Variants in CXXC5 observed in about 807,000 individuals in gnomAD.
The protein encoded by CXXC5 is CXXC finger protein 5, also known as CXXC-type zinc finger protein 5.
In CXXC5, 2 loss-of-function variants were observed where a neutral mutation model predicts 17.6. The ratio of observed to expected loss-of-function variants is 0.11; its 90% confidence interval spans 0.05 to 0.36. CXXC5 has a LOEUF of 0.36. Ranked by LOEUF, CXXC5 falls within the 10% of genes least tolerant of loss-of-function variation. CXXC5 has a pLI of 1.00. For missense variants in CXXC5, 343 were observed against 458.3 expected (o/e 0.75, Z 2.30); for synonymous variants, 171 against 193.0 (o/e 0.89, Z 0.94).
At chr5:139,666,676 T>A (rs1183596066) in intron 1 of CXXC5, among the ~76,000 whole-genome samples, 1 of 152,216 alleles carries the variant, frequency 6.6e-6, no homozygotes, top group African/African-American at 2.4e-5. Context: ...ATTTTGCTCA[T>A]GCGGGAAATG....
intron 2 of CXXC5, among the ~76,000 whole-genome samples, chr5:139,682,239 T>C (rs886082063): frequency 6.6e-6 from 1 of 152,158 alleles, no homozygotes; most frequent in African/African-American, 2.4e-5. Flanking sequence ...CGCCCCTCTA[T>C]GAGTGGGCTT....
intron 1 of CXXC5, among the ~76,000 whole-genome samples, chr5:139,651,882 T>C (rs1755201506): frequency 6.6e-6 from 1 of 152,140 alleles, no homozygotes; most frequent in Non-Finnish European, 1.5e-5. Context: ...GGTTCACACA[T>C]TGTTATTACG....
intron 1 of CXXC5, among the ~76,000 whole-genome samples, chr5:139,678,064 C>T (rs549741019): frequency 2.8e-4 from 42 of 152,384 alleles, no homozygotes; most frequent in Admixed American, 1.9e-3. Context: ...CTCCCCATCT[C>T]TGCAGCCCAC....
chr5:139,651,454 C>G (rs1172466606), intron 1 of CXXC5, among the ~76,000 whole-genome samples: 1 of 152,144 alleles, frequency 6.6e-6, no homozygotes, highest in East Asian at 1.9e-4. Flanking sequence ...CCGGCCAGCA[C>G]AGGCCCATGT....
At chr5:139,679,582 C>T (rs1757063191) in intron 1 of CXXC5, 1 of 152,222 alleles carries the variant, frequency 6.6e-6, no homozygotes, top group East Asian at 1.9e-4. Context: ...CAGGGGCAGC[C>T]TTCCAGACTT....
Position 139,683,033 on chromosome 5 carries a change from T to G in CXXC5, c.*126T>G. The G allele has an allele frequency of 1.4e-6, 1 of 697,458 alleles. No homozygotes were observed. Among genetic ancestry groups the G allele is most frequent in the Non-Finnish European group, 2.1e-6 (1 of 476,872 alleles). The allele number at this position is 697,458 out of a possible 1,614,324, so 43.2% of individuals were successfully genotyped here. On this transcript the variant is annotated 3_prime_UTR_variant, in exon 3 of 3. Coordinates refer to ENST00000302517, the MANE Select transcript of CXXC5 (RefSeq NM_016463.9). ...GAACCAAAAATATTCTCTCACAGAT[T>G]TCATTCCTGTTTTTATATATATATT...
intron 1 of CXXC5, among the ~76,000 whole-genome samples, chr5:139,666,767 G>A (rs534151936): frequency 2.0e-5 from 3 of 152,366 alleles, no homozygotes; most frequent in South Asian, 4.1e-4. Flanking sequence ...TGGCTCTGGC[G>A]CAGGCTGTTT....
rs550448153 is a variant in CXXC5, at chr5:139,673,803, C to T, written c.-160-6561C>T. 4.0e-5 allele frequency among the ~76,000 whole-genome samples: 6 copies of T among 148,904 alleles called. No homozygotes were observed. In the South Asian group the frequency reaches 8.6e-4, roughly 21 times the overall value. ...GTTGTGGTGAGCTGAGATCGGGCCA[C>T]GCACTCCAGCCTGGGTGACAGAGCA... On this transcript the variant is annotated intron_variant, in intron 1 of 2. Transcript: ENST00000302517.
chr5:139,663,406 G>A lies in CXXC5; in HGVS notation c.-161+14561G>A, dbSNP rs1160554455. Among the ~76,000 whole-genome samples, 4 of 152,104 alleles carry A rather than the reference G, an allele frequency of 2.6e-5. No individual in the cohort carries two copies. Among genetic ancestry groups the A allele is most frequent in the Admixed American group, 2.0e-4 (3 of 15,270 alleles). ...GGCTGTGGGAGATCTAAGAAGAGCC[G>A]ACATGAGCTGGCAGGGCTGAGGGCG... On this transcript the variant is annotated intron_variant, in intron 1 of 2. Transcript: ENST00000302517. The surrounding 1 kb of genome is among the most constrained non-coding windows in gnomAD (Gnocchi z 4.2).
intron 1 of CXXC5, among the ~76,000 whole-genome samples, chr5:139,667,052 C>T (rs1331792078): frequency 6.6e-6 from 1 of 152,210 alleles, no homozygotes; most frequent in East Asian, 1.9e-4. Context: ...TATGCCTCAC[C>T]TCCCATAGCT....
chr5:139,678,007 C>T (rs892658606), intron 1 of CXXC5, among the ~76,000 whole-genome samples: 6 of 152,254 alleles, frequency 3.9e-5, no homozygotes, highest in African/African-American at 1.4e-4. Context: ...GCCAGCAGGC[C>T]GCAGAGGCGG....
chr5:139,652,030 A>G (rs1278079169), intron 1 of CXXC5, among the ~76,000 whole-genome samples: 3 of 152,066 alleles, frequency 2.0e-5, no homozygotes, highest in African/African-American at 7.2e-5. Context: ...CAGGCCCAGG[A>G]TAGAAGCTCC....
rs1447705155 is a variant in CXXC5 at position 139,668,493 on chromosome 5, G to T, written c.-160-11871G>T. 1.3e-5 allele frequency among the ~76,000 whole-genome samples: 2 copies of T among 151,314 alleles called. No individual in the cohort carries two copies. The highest frequency in any genetic ancestry group is 4.8e-5 in the African/African-American group (2 of 41,390). On this transcript the variant is annotated intron_variant, in intron 1 of 2. Coordinates refer to ENST00000302517, the MANE Select transcript of CXXC5 (RefSeq NM_016463.9). This position sits in a 1 kb window ranked among gnomAD's most constrained non-coding sequence, Gnocchi z 4.1. ...GCCGCCCACTGCCCGCTCCAGGCCCGCTGCCCGCTCCAGGCCCGAGGTGAT... is the reference window on the plus strand; with the variant it reads ...GCCGCCCACTGCCCGCTCCAGGCCCTCTGCCCGCTCCAGGCCCGAGGTGAT...
chr5:139,655,304 A>G (rs945960212), intron 1 of CXXC5, among the ~76,000 whole-genome samples: 1 of 151,934 alleles, frequency 6.6e-6, no homozygotes, highest in African/African-American at 2.4e-5. Context: ...AGGGTTCCCC[A>G]TTGCTCCCTG....
intron 1 of CXXC5, among the ~76,000 whole-genome samples, chr5:139,662,689 A>G (rs1410572940): frequency 6.6e-6 from 1 of 152,206 alleles, no homozygotes; most frequent in African/African-American, 2.4e-5. Context: ...GAGGGACCCA[A>G]GCATCCTGAG....
At chr5:139,666,741 C>A (rs573205232) in intron 1 of CXXC5, among the ~76,000 whole-genome samples, 2 of 152,350 alleles carry the variant, frequency 1.3e-5, no homozygotes, top group South Asian at 4.1e-4. Flanking sequence ...GGACGCATAA[C>A]CACTTGAAGT....
At position 139,648,378 on chromosome 5, in the gene CXXC5, G is replaced by T. The variant is rs1014576365; in HGVS notation, c.-628G>T. 155 of 158,318 alleles carry T rather than the reference G, an allele frequency of 9.8e-4. No individual in the cohort carries two copies. Among genetic ancestry groups the T allele is most frequent in the African/African-American group, 2.1e-3 (89 of 41,460 alleles). The allele number at this position is 158,318 out of a possible 1,614,324, so 9.8% of individuals were successfully genotyped here. The stretch of plus-strand genomic sequence containing the variant: ...GCGGCAGAGGCGGCTGAGCCTGAGC[G>T]GGGATGTAGAGGCGGCGGCAGCAGA... On this transcript the variant is annotated 5_prime_UTR_variant, in exon 1 of 3. Coordinates refer to ENST00000302517, the MANE Select transcript of CXXC5 (RefSeq NM_016463.9).
At chr5:139,655,101 C>A (rs1755415129) in intron 1 of CXXC5, among the ~76,000 whole-genome samples, 1 of 152,124 alleles carries the variant, frequency 6.6e-6, no homozygotes. Flanking sequence ...GGGTGGCTGG[C>A]AGCTCTGGAA....
chr5:139,672,737 C>T (rs1262389777), intron 1 of CXXC5, among the ~76,000 whole-genome samples: 1 of 152,166 alleles, frequency 6.6e-6, no homozygotes, highest in East Asian at 1.9e-4. Context: ...GAAGCAAGAG[C>T]CATTCCTTTC....
Sources: allele counts gnomAD v4.1 joint callset (sites outside exome capture counted in the v4.1 genomes callset), GRCh38; gene constraint gnomAD v4.1.1; non-coding constraint Gnocchi (gnomAD v3.1); transcripts MANE v1.5; gene names NCBI Gene and HGNC (gene_info 2026-07-23, HGNC 2026-07-21).